PADI6: variants seen among roughly 807,000 people sequenced by gnomAD.
The protein encoded by PADI6 is inactive protein-arginine deiminase type-6.
In PADI6, 66 loss-of-function variants were observed where a neutral mutation model predicts 78.2. The ratio of observed to expected loss-of-function variants is 0.84; its 90% CI spans 0.69 to 1.04. PADI6 has a LOEUF of 1.04. Ranked by LOEUF, PADI6 falls within the 50% of genes least tolerant of loss-of-function variation. The pLI, the probability that PADI6 is intolerant of heterozygous loss-of-function variation, is 0.00. For missense variants in PADI6, 854 were observed against 866.1 expected, an observed-to-expected ratio of 0.99 and a Z score of 0.18; for synonymous variants, 397 against 346.9, an observed-to-expected ratio of 1.14 and a Z score of -1.60.
rs749702171 is a variant in PADI6 at position 17,388,730 on chromosome 1, G to A, written c.859-47G>A. On this transcript the variant is annotated intron_variant, in intron 7 of 15. Transcript: ENST00000619609. ...CGGAACCCTGGGGTAAGAGGGGAGCGAGTAAATGTGGAAGCAGGTTGCTAA... is the reference window on the plus strand; with the variant it reads ...CGGAACCCTGGGGTAAGAGGGGAGCAAGTAAATGTGGAAGCAGGTTGCTAA... 51 of 1,569,948 alleles carry A rather than the reference G, an allele frequency of 3.2e-5. 1 individual carries two copies. The highest frequency in any genetic ancestry group is 1.6e-4 in the African/African-American group (12 of 74,122).
At chr1:17,385,434 G>A (rs1463901578) in intron 6 of PADI6, among the ~76,000 whole-genome samples, 1 of 152,142 alleles carries the variant, frequency 6.6e-6, no homozygotes, top group East Asian at 1.9e-4. Context: ...GAAGTGTGAG[G>A]ATGGAGGGTG....
At chr1:17,387,179 C>A (rs922831417) in intron 6 of PADI6, among the ~76,000 whole-genome samples, 10 of 152,140 alleles carry the variant, frequency 6.6e-5, no homozygotes, top group African/African-American at 2.4e-4. Context: ...CACAGTGGCT[C>A]ACGACTGTAA....
At chr1:17,375,396 T>C (rs1202770951) in intron 2 of PADI6, 31 bp from the exon 3 acceptor site, 5 of 1,592,970 alleles carry the variant, frequency 3.1e-6, no homozygotes, top group Non-Finnish European at 3.4e-6. Flanking sequence ...CGTCCAACAC[T>C]GCCTATGGTT....
In PADI6 at chr1:17,398,720, C is replaced by T. The variant is rs376027901; in HGVS notation, c.1724C>T (p.Thr575Met). The change falls in exon 15 of 16, where the codon ACG (threonine) becomes ATG (methionine). Residue 575 changes from threonine (T) to methionine (M), a missense_variant. Thr to Met is a moderately conservative substitution (Grantham distance 81, BLOSUM62 -1). Coordinates refer to ENST00000619609, the MANE Select transcript of PADI6 (RefSeq NM_207421.4). ...CIHLNRDILK[T>M]ELGLVEQDII... is the part of the protein sequence containing the mutation. ...CACCTGAACCGTGACATCCTGAAGA[C>T]GGAGCTGGGCCTGGTGGAACAGGAC... The T allele has an allele frequency of 1.4e-4, 212 of 1,490,282 alleles. No homozygotes were observed. Among genetic ancestry groups the T allele is most frequent in the African/African-American group, 1.8e-4 (12 of 68,466 alleles). The allele number at this position is 1,490,282 out of a possible 1,614,324, so 92.3% of individuals were successfully genotyped here.
Position 17,401,133 on chromosome 1 carries a change from G to A in PADI6, c.1852-72G>A, listed in dbSNP as rs893759797. On this transcript the variant is annotated intron_variant, in intron 15 of 15. Coordinates refer to ENST00000619609, the MANE Select transcript of PADI6 (RefSeq NM_207421.4). ...CTGCTACGCCTGGTCTGACCGCAGA[G>A]AGGCAGGTGGGCGGCTGGCTTTCAG... The A allele has an allele frequency of 2.1e-6, 3 of 1,427,426 alleles. No homozygotes were observed. In the African/African-American group the frequency reaches 4.2e-5, roughly 20 times the overall value. The allele number at this position is 1,427,426 out of a possible 1,614,324, so 88.4% of individuals were successfully genotyped here. A position where few individuals can be genotyped will look rare whatever the true frequency, so the allele number is the denominator to read the frequency against.
At chr1:17,390,601 T>TAAA (rs1557604926) in intron 8 of PADI6, among the ~76,000 whole-genome samples, 1 of 72,124 alleles carries the variant, frequency 1.4e-5, no homozygotes, top group African/African-American at 4.6e-5. Flanking sequence ...AGATTCCATC[T>TAAA]CAAAAAAAAA....
intron 1 of PADI6, 119 bp downstream of exon 1, chr1:17,372,480 T>C: frequency 1.1e-6 from 1 of 904,950 alleles, no homozygotes; most frequent in East Asian, 2.4e-5. Context: ...CTGCCCCATC[T>C]TGGGAAGCCT....
intron 6 of PADI6, among the ~76,000 whole-genome samples, chr1:17,383,510 C>T (rs1029708292): frequency 5.3e-5 from 8 of 152,196 alleles, no homozygotes; most frequent in East Asian, 1.9e-4. Flanking sequence ...GGATGCCATA[C>T]TTCATCATGT....
rs556135033 is a variant in PADI6, at chr1:17,379,402, T to C, written c.368-518T>C. On this transcript the variant is annotated intron_variant, in intron 3 of 15. Transcript: ENST00000619609. ...GTGCTGGGATTACAGGCGTGAGCCA[T>C]CGCGCCCGGCCGCCCAGTTAATTTT... is the stretch of plus-strand genomic sequence containing the variant. 8.3e-4 allele frequency among the ~76,000 whole-genome samples: 120 copies of C among 144,040 alleles called. 13 individuals are homozygous for C. Among genetic ancestry groups the C allele is most frequent in the African/African-American group, 2.9e-3 (100 of 33,994 alleles). The allele number at this position is 144,040 out of a possible 152,430, so 94.5% of individuals were successfully genotyped here.
In PADI6 at chr1:17,395,770, C is replaced by T. The variant is rs142767417; in HGVS notation, c.1618+107C>T. Reference sequence around the variant, plus strand: ...CTTGGCGTAAAGGATGCCAGGGAAGCACAGAAGCTGTTGGAATTGCCATAT... The same window carrying T: ...CTTGGCGTAAAGGATGCCAGGGAAGTACAGAAGCTGTTGGAATTGCCATAT... On this transcript the variant is annotated intron_variant, in intron 13 of 15. Transcript: ENST00000619609. The T allele has an allele frequency of 1.4e-5, 19 of 1,397,938 alleles. No homozygotes were observed. The East Asian group carries it at 1.7e-4, about 13-fold the overall frequency. 86.6% of individuals were successfully genotyped at this position (1,397,938 alleles called of 1,614,324 possible).
chr1:17,379,111 ATT>A (rs144547124), intron 3 of PADI6, among the ~76,000 whole-genome samples: 46 of 100,808 alleles, frequency 4.6e-4, no homozygotes, highest in East Asian at 7.8e-4. Flanking sequence ...TGCCCAGTTA[ATT>A]TTTTTTTTTT....
intron 3 of PADI6, among the ~76,000 whole-genome samples, 167 bp from the exon 4 acceptor site, chr1:17,379,753 T>G (rs1243871403): frequency 2.0e-5 from 3 of 152,222 alleles, no homozygotes. Flanking sequence ...CTTGCTGATA[T>G]GAAGCTGTCA....
Position 17,401,659 on chromosome 1 carries a change from G to A in PADI6, c.*221G>A, listed in dbSNP as rs572240645. ...ATGCAAAAGTGTTCAGCCAAGTGACGTTTACTAAATAGCCAATAAAGGGCT... is the reference window on the plus strand; with the variant it reads ...ATGCAAAAGTGTTCAGCCAAGTGACATTTACTAAATAGCCAATAAAGGGCT... On this transcript the variant is annotated 3_prime_UTR_variant, in exon 16 of 16. Coordinates refer to ENST00000619609, the MANE Select transcript of PADI6 (RefSeq NM_207421.4). The A allele has an allele frequency of 7.3e-4, 407 of 559,984 alleles. 1 individual carries two copies. The highest frequency in any genetic ancestry group is 6.4e-3 in the African/African-American group (343 of 53,234). The allele number at this position is 559,984 out of a possible 1,614,324, so 34.7% of individuals were successfully genotyped here.
chr1:17,392,574 A>G (rs2075198304), intron 9 of PADI6, among the ~76,000 whole-genome samples: 1 of 152,236 alleles, frequency 6.6e-6, no homozygotes, highest in South Asian at 2.1e-4. Flanking sequence ...CACCAAGTCT[A>G]GAGCCCCGGT....
At position 17,389,279 on chromosome 1, in the gene PADI6, G is replaced by C. The variant is rs138714101; in HGVS notation, c.962+399G>C. ...TGGGTGAAAAGAGCAGAGCCCTGTG[G>C]GCCCTGGGTGTTACGGTGAGGTAGC... On this transcript the variant is annotated intron_variant, in intron 8 of 15. Coordinates refer to ENST00000619609, the MANE Select transcript of PADI6 (RefSeq NM_207421.4). 7.2e-3 allele frequency among the ~76,000 whole-genome samples: 1,096 copies of C among 152,260 alleles called. 6 individuals carry two copies. The highest frequency in any genetic ancestry group is 0.011 in the Non-Finnish European group (759 of 67,994).
intron 1 of PADI6, 55 bp from the exon 2 acceptor site, chr1:17,372,998 TCTC>T: frequency 1.9e-6 from 3 of 1,544,208 alleles, no homozygotes; most frequent in South Asian, 1.2e-5. Context: ...ATGCCAGTCA[TCTC>T]CTAGGCTGAG....
Position 17,394,006 on chromosome 1 carries a change from C to T in PADI6, c.1106C>T (p.Pro369Leu). The T allele has an allele frequency of 6.2e-7, 1 of 1,613,914 alleles. No homozygotes were observed. The highest frequency in any genetic ancestry group is 8.5e-7 in the Non-Finnish European group (1 of 1,179,878). Residue 369 changes from proline to leucine, a missense_variant, in exon 10 of 16, where the codon CCC becomes CTC. Pro to Leu is a moderately conservative substitution (Grantham distance 98, BLOSUM62 -3). Transcript: ENST00000619609. ...ATGGCCTTCTGCTACACCCAGGCTC[C>T]CCACAAGACAACGTCCTTGATCCTC... is the stretch of plus-strand genomic sequence containing the variant. The part of the protein sequence containing the change: ...DEMAFCYTQA[P>L]HKTTSLILDT...
chr1:17,400,036 AAAAC>A (rs147149977), intron 15 of PADI6, among the ~76,000 whole-genome samples: 3,919 of 151,138 alleles, frequency 0.026, 165 homozygotes, highest in African/African-American at 0.086. Context: ...GTCTCCCAAA[AAAAC>A]AAACAAAACA....
intron 5 of PADI6, 149 bp from the exon 6 acceptor site, chr1:17,381,818 T>C (rs1456307603): frequency 1.2e-6 from 1 of 825,600 alleles, no homozygotes; most frequent in African/African-American, 1.7e-5. Flanking sequence ...AGCAGTGAAA[T>C]GGTAATTCTT....
Sources: allele counts gnomAD v4.1 joint callset (sites outside exome capture counted in the v4.1 genomes callset), GRCh38; gene constraint gnomAD v4.1.1; transcripts MANE v1.5; gene names NCBI Gene and HGNC (gene_info 2026-07-23, HGNC 2026-07-21).